The following DAB2IP variants were observed in gnomAD, a reference collection of about 807,000 sequenced individuals.
The protein encoded by DAB2IP is disabled homolog 2-interacting protein.
DAB2IP carries 28 observed loss-of-function variants against 107.2 expected under a neutral mutation model. The observed-to-expected ratio is 0.26, with a 90% CI of 0.19 to 0.36. The LOEUF is 0.36. Ranked by LOEUF, DAB2IP falls within the 10% of genes least tolerant of loss-of-function variation. The pLI, the probability that DAB2IP is intolerant of heterozygous loss-of-function variation, is 1.00. For missense variants in DAB2IP, 1,400 were observed against 1,644.7 expected, an observed-to-expected ratio of 0.85 and a Z score of 2.57; for synonymous variants, 755 against 706.4, an observed-to-expected ratio of 1.07 and a Z score of -1.09.
At position 121,781,385 on chromosome 9, in the gene DAB2IP, G is replaced by A. The variant is rs1564236950; in HGVS notation, c.3315-79G>A. ...CTAGTGTGTCCCTGCTGTGTGCGGG[G>A]GTGATGGGCTTGTTCTCACACCCTC... is the stretch of plus-strand genomic sequence containing the variant. On this transcript the variant is annotated intron_variant, in intron 14 of 15. Coordinates refer to ENST00000408936, the Ensembl canonical transcript of DAB2IP. 8.8e-6 allele frequency: 12 copies of A among 1,362,648 alleles called. No individual in the cohort carries two copies. In the Admixed American group the frequency reaches 1.0e-4, roughly 11 times the overall value. The allele number at this position is 1,362,648 out of a possible 1,614,324, so 84.4% of individuals were successfully genotyped here. A position where few individuals can be genotyped will look rare whatever the true frequency, so the allele number is the denominator to read the frequency against.
chr9:121,636,317 C>A (rs1287975112), intron 1 of DAB2IP, among the ~76,000 whole-genome samples: 1 of 152,200 alleles, frequency 6.6e-6, no homozygotes, highest in Non-Finnish European at 1.5e-5. Context: ...CCTGCTCTGG[C>A]CTGCTTTTAT....
Position 121,782,739 on chromosome 9 carries a change from G to A in DAB2IP, c.*241G>A. ...TGCGGGCAGAAGAGACTGCACGCTG[G>A]GGAGTGGGGACAGCCTGATGGGGCA... On this transcript the variant is annotated 3_prime_UTR_variant, in exon 16 of 16. Coordinates refer to ENST00000408936, the Ensembl canonical transcript of DAB2IP. This position sits in a 1 kb window ranked among gnomAD's most constrained non-coding sequence, Gnocchi z 6.1. 7.3e-7 allele frequency: 1 copy of A among 1,372,942 alleles called. No homozygotes were observed. The highest frequency in any genetic ancestry group is 2.7e-5 in the East Asian group (1 of 36,578). 85.0% of individuals were successfully genotyped at this position (1,372,942 alleles called of 1,614,324 possible).
intron 2 of DAB2IP, among the ~76,000 whole-genome samples, chr9:121,687,244 A>G (rs1828930058): frequency 6.6e-6 from 1 of 152,206 alleles, no homozygotes; most frequent in Non-Finnish European, 1.5e-5. Context: ...TGGGCCTGGC[A>G]TGACTGGCTG....
exon 16 of DAB2IP, chr9:121,783,548 A>G: frequency 3.1e-6 from 5 of 1,614,138 alleles, no homozygotes; most frequent in Non-Finnish European, 3.4e-6. Context: ...TGCATTAGAA[A>G]CAAAAGCCCG....
intron 2 of DAB2IP, among the ~76,000 whole-genome samples, chr9:121,694,709 T>C (rs1829333366): frequency 6.6e-6 from 1 of 151,912 alleles, no homozygotes; most frequent in Non-Finnish European, 1.5e-5. Context: ...AGTGATATGA[T>C]GGAAGCCTAG....
intron 3 of DAB2IP, among the ~76,000 whole-genome samples, chr9:121,735,098 G>A (rs191548843): frequency 1.3e-5 from 2 of 152,354 alleles, no homozygotes; most frequent in Admixed American, 1.3e-4. Flanking sequence ...TGGATAAACA[G>A]ATGACAGCTC....
chr9:121,783,317 C>G (rs1239969851), exon 16 of DAB2IP: 3 of 1,415,292 alleles, frequency 2.1e-6, no homozygotes, highest in East Asian at 5.2e-5. Context: ...TCCCAGAAGC[C>G]AGAGATCTGG....
chr9:121,750,422 A>T (rs1462440692), intron 3 of DAB2IP, among the ~76,000 whole-genome samples: 1 of 152,254 alleles, frequency 6.6e-6, no homozygotes, highest in East Asian at 1.9e-4. Context: ...GCCATGCAGC[A>T]TGTCTTAAAG....
chr9:121,765,807 A>G (rs534084196), intron 8 of DAB2IP, among the ~76,000 whole-genome samples: 2 of 152,328 alleles, frequency 1.3e-5, no homozygotes, highest in East Asian at 3.9e-4. Flanking sequence ...CAGTGGAACC[A>G]GGAGCCCCAT....
At chr9:121,731,619 C>T (rs187978092) in intron 3 of DAB2IP, among the ~76,000 whole-genome samples, 48 of 152,324 alleles carry the variant, frequency 3.2e-4, no homozygotes, top group African/African-American at 7.2e-4. Flanking sequence ...CTGGGCTTGC[C>T]CCAAGAATGG....
intron 1 of DAB2IP, among the ~76,000 whole-genome samples, chr9:121,642,461 G>A (rs1166738859): frequency 3.4e-5 from 5 of 149,120 alleles, no homozygotes; most frequent in East Asian, 2.0e-4. Flanking sequence ...AATTACAGGC[G>A]TGAGCCACCA....
intron 1 of DAB2IP, among the ~76,000 whole-genome samples, chr9:121,669,835 C>T (rs139795010): frequency 1.5e-4 from 23 of 152,224 alleles, no homozygotes; most frequent in Admixed American, 2.0e-4. Flanking sequence ...GTGTCTTTTG[C>T]GATTATGTCT....
intron 1 of DAB2IP, among the ~76,000 whole-genome samples, chr9:121,665,814 T>G (rs1160701993): frequency 2.6e-5 from 4 of 152,228 alleles, no homozygotes; most frequent in Non-Finnish European, 5.9e-5. Context: ...ATTTGTAGAT[T>G]TGAAAGAGGA....
At chr9:121,783,493 G>A in exon 16 of DAB2IP, 1 of 1,614,110 alleles carries the variant, frequency 6.2e-7, no homozygotes, top group Non-Finnish European at 8.5e-7. Context: ...ACGCCTGCAG[G>A]CCCTGAGAAG....
chr9:121,763,835 G>A, exon 8 of DAB2IP: 2 of 1,614,172 alleles, frequency 1.2e-6, no homozygotes, highest in Non-Finnish European at 1.7e-6. Flanking sequence ...GCAACCTCAA[G>A]ATGTGCTGCG....
chr9:121,625,934 C>T (rs1015387663), intron 1 of DAB2IP, among the ~76,000 whole-genome samples: 2 of 152,182 alleles, frequency 1.3e-5, no homozygotes, highest in African/African-American at 4.8e-5. Flanking sequence ...CCCCATTTAG[C>T]CTGCCTGGCC....
At chr9:121,610,815 A>T (rs569968887) in intron 1 of DAB2IP, among the ~76,000 whole-genome samples, 1 of 152,210 alleles carries the variant, frequency 6.6e-6, no homozygotes, top group South Asian at 2.1e-4. Context: ...AGATGGTTTC[A>T]CGGACCGCCA....
chr9:121,649,598 C>T (rs1391963604), upstream of DAB2IP, among the ~76,000 whole-genome samples: 2 of 152,190 alleles, frequency 1.3e-5, no homozygotes, highest in African/African-American at 4.8e-5. Context: ...CCGTTGCCCC[C>T]GTCCTGAGTA....
intron 9 of DAB2IP, among the ~76,000 whole-genome samples, 187 bp downstream of exon 9, chr9:121,766,917 T>C (rs1834327502): frequency 6.6e-6 from 1 of 152,254 alleles, no homozygotes; most frequent in South Asian, 2.1e-4. Context: ...GTCCTTCTAC[T>C]CAAGGTATAT....
Sources: gnomAD v4.1 joint callset for allele counts (sites outside exome capture counted in the v4.1 genomes callset) on GRCh38, gnomAD v4.1.1 for gene constraint, Gnocchi (gnomAD v3.1) non-coding constraint, MANE v1.5 for transcripts, NCBI Gene and HGNC (gene_info 2026-07-23, HGNC 2026-07-21) for gene names.